The following ASIC2 variants were observed in gnomAD, a reference collection of about 807,000 sequenced individuals.
ASIC2 encodes acid-sensing ion channel 2.
Under a neutral mutation model 57.3 loss-of-function variants are expected in ASIC2, and 25 were observed. That is an observed-to-expected ratio of 0.44 (90% CI 0.32 to 0.61). ASIC2 has a LOEUF of 0.61. Among genes scored for constraint, ASIC2 ranks in the 20% least tolerant of loss-of-function variants. ASIC2 has a pLI of 0.06. For missense variants in ASIC2, 641 were observed against 738.1 expected (o/e 0.87, Z 1.52); for synonymous variants, 319 against 307.5 (o/e 1.04, Z -0.39).
At chr17:33,344,343 C>G (rs373878286) in intron 1 of ASIC2, among the ~76,000 whole-genome samples, 20 of 152,146 alleles carry the variant, frequency 1.3e-4, no homozygotes, top group African/African-American at 4.3e-4. Context: ...GAAGACTCTT[C>G]CTGCAGCAGC....
At chr17:33,966,590 C>A (rs914675329) in intron 1 of ASIC2, among the ~76,000 whole-genome samples, 39 of 152,310 alleles carry the variant, frequency 2.6e-4, no homozygotes, top group African/African-American at 9.4e-4. Flanking sequence ...TGTTCACTAA[C>A]CACACACCTG....
intron 1 of ASIC2, among the ~76,000 whole-genome samples, chr17:33,768,730 C>G (rs1022132299): frequency 6.6e-6 from 1 of 152,070 alleles, no homozygotes; most frequent in African/African-American, 2.4e-5. Flanking sequence ...GCCTTCGAAC[C>G]AATTGTATGT....
At chr17:34,039,865 T>A (rs1908039679) in intron 1 of ASIC2, 1 of 1,604,078 alleles carries the variant, frequency 6.2e-7, no homozygotes. Flanking sequence ...ATGCAATTCT[T>A]CCATCATTTC....
chr17:33,915,580 G>T (rs574174838), intron 1 of ASIC2, among the ~76,000 whole-genome samples: 1 of 152,226 alleles, frequency 6.6e-6, no homozygotes, highest in South Asian at 2.1e-4. Context: ...TCTCAAATGA[G>T]CATCTATTGG....
intron 1 of ASIC2, chr17:33,932,741 A>AAAAAAAATATATATATATATAT (rs1555572867): frequency 8.5e-5 from 5 of 58,698 alleles, no homozygotes; most frequent in Admixed American, 2.5e-4. Context: ...AAAAAAAAAA[A>AAAAAAAATATATATATATATAT]ATATATATAT....
intron 1 of ASIC2, among the ~76,000 whole-genome samples, chr17:34,088,968 C>T (rs7207627): frequency 0.2 from 30,333 of 152,166 alleles, 4,042 homozygotes; most frequent in African/African-American, 0.38. Flanking sequence ...GAAAGGGAAC[C>T]TCCTGACCCC....
intron 1 of ASIC2, among the ~76,000 whole-genome samples, chr17:33,565,143 C>T (rs1214348497): frequency 6.6e-6 from 1 of 152,148 alleles, no homozygotes; most frequent in East Asian, 1.9e-4. Context: ...CTGAGTTGGT[C>T]TCGGCACTAG....
chr17:33,906,662 T>G (rs763517677), intron 1 of ASIC2, among the ~76,000 whole-genome samples: 4 of 152,352 alleles, frequency 2.6e-5, no homozygotes, highest in South Asian at 4.1e-4. Context: ...TTGAGACTAC[T>G]GGTTTCATTC....
rs62057458 is a variant in ASIC2, at chr17:33,979,467, C to T, written c.555+176511G>A. Among the ~76,000 whole-genome samples the T allele has an allele frequency of 3.5e-3, 534 of 152,220 alleles. 2 individuals are homozygous for T. Among genetic ancestry groups the T allele is most frequent in the Non-Finnish European group, 6.0e-3 (411 of 68,020 alleles). On this transcript the variant is annotated intron_variant, in intron 1 of 9. Transcript: ENST00000359872. ...TGGTGTCCCCTGTATGCACAGAGTA[C>T]TTTAAGAAATCCAGAAAAGTCATCA...
At chr17:33,699,686 AC>A (rs1298623968) in intron 1 of ASIC2, among the ~76,000 whole-genome samples, 1 of 152,222 alleles carries the variant, frequency 6.6e-6, no homozygotes, top group African/African-American at 2.4e-5. Context: ...CACCACAGAT[AC>A]AGTACCCTCA....
At chr17:33,639,028 A>C (rs1002308686) in intron 1 of ASIC2, among the ~76,000 whole-genome samples, 14 of 151,834 alleles carry the variant, frequency 9.2e-5, no homozygotes, top group African/African-American at 3.1e-4. Flanking sequence ...CCCAAAGCAA[A>C]GAATGAAGAG....
chr17:33,340,724 A>T (rs143919074), intron 1 of ASIC2, among the ~76,000 whole-genome samples: 313 of 152,216 alleles, frequency 2.1e-3, no homozygotes, highest in African/African-American at 7.1e-3. Flanking sequence ...TGCATCATCA[A>T]ACGGGCTCTG....
intron 1 of ASIC2, among the ~76,000 whole-genome samples, chr17:33,184,751 C>A (rs571835471): frequency 1.3e-5 from 2 of 152,276 alleles, no homozygotes; most frequent in African/African-American, 4.8e-5. Context: ...AAGTAAGTGG[C>A]CTGGAAACCT....
At chr17:33,957,162 C>T (rs1396054705) in intron 1 of ASIC2, among the ~76,000 whole-genome samples, 1 of 152,230 alleles carries the variant, frequency 6.6e-6, no homozygotes, top group East Asian at 1.9e-4. Context: ...CATACACCTA[C>T]CTGTCCCTAC....
At position 33,699,190 on chromosome 17, in the gene ASIC2, G is replaced by GT. The variant is rs530594541; in HGVS notation, c.555+456787dup. Among the ~76,000 whole-genome samples, 42 of 152,290 alleles carry GT rather than the reference G, an allele frequency of 2.8e-4. No homozygotes were observed. The South Asian group carries it at 8.1e-3, about 29-fold the overall frequency. On this transcript the variant is annotated intron_variant, in intron 1 of 9. Transcript: ENST00000359872. ...TTCTCTCCTCACAAGGACTCCATGA[G>GT]TCATGTGGAGAAGACATGTTTAATT...
intron 1 of ASIC2, among the ~76,000 whole-genome samples, chr17:33,194,372 G>C (rs1284391350): frequency 6.6e-6 from 1 of 152,038 alleles, no homozygotes; most frequent in Non-Finnish European, 1.5e-5. Flanking sequence ...CCAAGTAATG[G>C]GTACACCAGT....
intron 1 of ASIC2, among the ~76,000 whole-genome samples, chr17:33,820,023 T>C (rs1213677464): frequency 6.6e-6 from 1 of 152,156 alleles, no homozygotes; most frequent in Non-Finnish European, 1.5e-5. Flanking sequence ...TTATGGAGTT[T>C]GCAGTCAGAA....
intron 1 of ASIC2, among the ~76,000 whole-genome samples, chr17:33,187,600 A>G (rs531827020): frequency 2.6e-5 from 4 of 152,284 alleles, no homozygotes; most frequent in Admixed American, 1.3e-4. Flanking sequence ...TATGGGCCAC[A>G]TGCTTCTGTC....
chr17:33,443,696 G>A (rs963401697), intron 1 of ASIC2, among the ~76,000 whole-genome samples: 4 of 152,050 alleles, frequency 2.6e-5, no homozygotes, highest in African/African-American at 7.2e-5. Context: ...GATTACAGGC[G>A]TGAGCCACCG....
Sources: allele counts gnomAD v4.1 joint callset (sites outside exome capture counted in the v4.1 genomes callset), GRCh38; gene constraint gnomAD v4.1.1; transcripts MANE v1.5; gene names NCBI Gene and HGNC (gene_info 2026-07-23, HGNC 2026-07-21).